The following PRDM16 variants were observed in gnomAD, a reference collection of about 807,000 sequenced individuals.
PRDM16 encodes the protein histone-lysine N-methyltransferase PRDM16.
In PRDM16, 23 loss-of-function variants were observed where a neutral mutation model predicts 110.6. That is an observed-to-expected ratio of 0.21 (90% CI 0.15 to 0.29). PRDM16 has a LOEUF of 0.29. Among genes scored for constraint, PRDM16 ranks in the 10% least tolerant of loss-of-function variants. PRDM16 has a pLI of 1.00. For missense variants in PRDM16, 1,615 were observed against 1,794.3 expected (o/e 0.90, Z 1.81); for synonymous variants, 799 against 781.8 (o/e 1.02, Z -0.37).
At chr1:3,118,067 A>ATG (rs541637203) in intron 1 of PRDM16, among the ~76,000 whole-genome samples, 7 of 148,990 alleles carry the variant, frequency 4.7e-5, no homozygotes. Flanking sequence ...GTGTACATGC[A>ATG]TGTGTGTGTG....
At chr1:3,122,342 A>G (rs1643112904) in intron 1 of PRDM16, among the ~76,000 whole-genome samples, 1 of 152,090 alleles carries the variant, frequency 6.6e-6, no homozygotes, top group African/African-American at 2.4e-5. Context: ...ACATTCAAAC[A>G]CAGCTCCTGG....
intron 3 of PRDM16, among the ~76,000 whole-genome samples, chr1:3,342,020 C>A (rs1291599516): frequency 6.6e-6 from 1 of 152,170 alleles, no homozygotes; most frequent in Non-Finnish European, 1.5e-5. Context: ...TGGGAAAGAC[C>A]ATGATTGAGG....
intron 4 of PRDM16, among the ~76,000 whole-genome samples, chr1:3,388,642 A>G (rs1339596097): frequency 6.6e-6 from 1 of 151,880 alleles, no homozygotes; most frequent in East Asian, 1.9e-4. Context: ...TGAACTGAAA[A>G]CTCAGGTCGA....
At chr1:3,278,995 G>A (rs2455114) in intron 3 of PRDM16, among the ~76,000 whole-genome samples, 39,074 of 152,188 alleles carry the variant, frequency 0.26, 7,533 homozygotes, top group African/African-American at 0.53. Context: ...CGTGTGCTCC[G>A]TGTCTGTCAT....
At chr1:3,185,620 T>A (rs1270565951) in intron 1 of PRDM16, among the ~76,000 whole-genome samples, 2 of 152,208 alleles carry the variant, frequency 1.3e-5, no homozygotes, top group Non-Finnish European at 2.9e-5. Context: ...CTCTGAGTCC[T>A]CCCAGGCACT....
intron 2 of PRDM16, among the ~76,000 whole-genome samples, chr1:3,195,762 G>A (rs1638458807): frequency 1.3e-5 from 2 of 152,168 alleles, no homozygotes; most frequent in Admixed American, 6.5e-5. Context: ...CTCCCCCTAG[G>A]TCCCCCAAGG....
intron 1 of PRDM16, among the ~76,000 whole-genome samples, chr1:3,144,719 C>T (rs1875449): frequency 6.6e-6 from 1 of 152,144 alleles, no homozygotes; most frequent in African/African-American, 2.4e-5. Flanking sequence ...CCCAGCCGCC[C>T]AGCTCAGCCC....
At chr1:3,386,592 T>C (rs1373814845) in intron 4 of PRDM16, 1 of 55,664 alleles carries the variant, frequency 1.8e-5, no homozygotes, top group East Asian at 3.3e-4. Flanking sequence ...CTTTTTCTGA[T>C]TGAAAAAAAA....
intron 14 of PRDM16, among the ~76,000 whole-genome samples, chr1:3,428,995 G>A (rs1039949474): frequency 1.4e-4 from 21 of 152,254 alleles, no homozygotes; most frequent in African/African-American, 4.3e-4. Context: ...CACCTAAGAG[G>A]GACAAAGGTC....
chr1:3,325,921 TC>T (rs377426829), intron 3 of PRDM16, among the ~76,000 whole-genome samples: 12 of 102,694 alleles, frequency 1.2e-4, no homozygotes, highest in Admixed American at 7.0e-4. Flanking sequence ...TCCTTGGCCC[TC>T]CTCGGCCCTC....
At chr1:3,347,607 C>T (rs528631979) in intron 3 of PRDM16, among the ~76,000 whole-genome samples, 5 of 152,340 alleles carry the variant, frequency 3.3e-5, no homozygotes, top group East Asian at 3.9e-4. Context: ...GGTCAGTCCT[C>T]GGAGTAGCTT....
intron 1 of PRDM16, among the ~76,000 whole-genome samples, chr1:3,118,240 C>A (rs1370559360): frequency 6.6e-6 from 1 of 152,200 alleles, no homozygotes; most frequent in African/African-American, 2.4e-5. Context: ...CACGTGCATA[C>A]ACACGCACAG....
intron 3 of PRDM16, among the ~76,000 whole-genome samples, chr1:3,288,602 G>A (rs969425555): frequency 1.2e-4 from 19 of 152,140 alleles, no homozygotes; most frequent in Non-Finnish European, 2.6e-4. Flanking sequence ...GCTCACCTAG[G>A]GGTCCTGGTG....
At chr1:3,084,461 GC>G (rs571039405) in intron 1 of PRDM16, among the ~76,000 whole-genome samples, 2 of 152,326 alleles carry the variant, frequency 1.3e-5, no homozygotes, top group South Asian at 2.1e-4. Context: ...GGGATTATCT[GC>G]CCCCCTGGGA....
rs567761188 is a variant in PRDM16 at position 3,411,553 on chromosome 1, G to A, written c.1356G>A (p.Thr452=). 2.8e-5 allele frequency: 45 copies of A among 1,614,064 alleles called. No individual in the cohort carries two copies. In the African/African-American group the frequency reaches 3.1e-4, roughly 11 times the overall value. The stretch of plus-strand genomic sequence containing the variant: ...TCTGCGAGGGCAAGAACCATTACAC[G>A]CCGGGCGGCATCTTTGCCCCGGGCC... ...RRFCEGKNHY[T]PGGIFAPGLP... The change falls in exon 9 of 17, where the codon ACG becomes ACA. Residue 452 remains threonine (T), a synonymous_variant. Transcript: ENST00000270722.
At chr1:3,354,686 AT>A (rs1410304241) in intron 3 of PRDM16, among the ~76,000 whole-genome samples, 1 of 152,092 alleles carries the variant, frequency 6.6e-6, no homozygotes, top group African/African-American at 2.4e-5. Flanking sequence ...TTTCTATTGG[AT>A]AATTTCCTTT....
At chr1:3,107,414 G>A (rs536866346) in intron 1 of PRDM16, among the ~76,000 whole-genome samples, 20 of 152,290 alleles carry the variant, frequency 1.3e-4, no homozygotes, top group South Asian at 8.3e-4. Context: ...AGGGATTACC[G>A]GGCTCGGGAT....
chr1:3,349,679 TC>T (rs1372212871), intron 3 of PRDM16, among the ~76,000 whole-genome samples: 1 of 152,038 alleles, frequency 6.6e-6, no homozygotes, highest in Non-Finnish European at 1.5e-5. Context: ...GATGGTAGCT[TC>T]CCCTCCCTCC....
At chr1:3,103,627 G>A (rs922102722) in intron 1 of PRDM16, among the ~76,000 whole-genome samples, 4 of 152,316 alleles carry the variant, frequency 2.6e-5, no homozygotes, top group South Asian at 2.1e-4. Flanking sequence ...CAGGCCATTG[G>A]GCATCGCCTT....
Sources: gnomAD v4.1 joint callset for allele counts (sites outside exome capture counted in the v4.1 genomes callset) on GRCh38, gnomAD v4.1.1 for gene constraint, MANE v1.5 for transcripts, NCBI Gene and HGNC (gene_info 2026-07-23, HGNC 2026-07-21) for gene names.